The following PCDH19 variants were observed in gnomAD, a reference collection of about 807,000 sequenced individuals.
The protein encoded by PCDH19 is protocadherin-19.
In PCDH19, 6 loss-of-function variants were observed where a neutral mutation model predicts 46.2. That is an observed-to-expected ratio of 0.13 (90% CI 0.07 to 0.26). The LOEUF (loss-of-function observed/expected upper bound fraction) is 0.26, where lower values mean the gene tolerates loss of function less well. Ranked by LOEUF, PCDH19 falls within the 10% of genes least tolerant of loss-of-function variation. The pLI, the probability that PCDH19 is intolerant of heterozygous loss-of-function variation, is 1.00. For synonymous variants in PCDH19, 481 were observed against 415.7 expected (o/e 1.16, Z -1.91); for missense variants, 740 against 972.3 (o/e 0.76, Z 3.18).
At chrX:100,394,956 T>G (rs994162943) in intron 3 of PCDH19, among the ~76,000 whole-genome samples, 23 of 105,554 alleles carry the variant, frequency 2.2e-4, no homozygotes, top group African/African-American at 6.9e-4. Context: ...GGCGGGATCT[T>G]GGCTCACTGC....
intron 1 of PCDH19, 81 bp downstream of exon 1, chrX:100,406,369 CA>C (rs1928346222): frequency 4.9e-6 from 4 of 813,227 alleles, no homozygotes; most frequent in Non-Finnish European, 5.4e-6. Context: ...AAGTAGGAAA[CA>C]AAAGCACCAG....
intron 5 of PCDH19, among the ~76,000 whole-genome samples, chrX:100,310,766 T>G (rs184519921): frequency 1.5e-4 from 16 of 107,465 alleles, no homozygotes; most frequent in African/African-American, 5.1e-4. Context: ...TGGTGTAGAT[T>G]TAAAAGTCAG....
chrX:100,406,700 C>T lies in PCDH19; in HGVS notation c.1898G>A (p.Ser633Asn), dbSNP rs757431597. Residue 633 changes from serine to asparagine, a missense_variant, in exon 1 of 6, where the codon AGC becomes AAC. Coordinates refer to ENST00000373034, the MANE Select transcript of PCDH19 (RefSeq NM_001184880.2). Reference protein sequence around the residue: ...EVRTTRTFGESSKSSYELIVV... With the variant: ...EVRTTRTFGENSKSSYELIVV... ...GATAAGCTCATAGGAGGACTTGGAGCTCTCCCCGAAGGTGCGGGTGGTTCT... is the reference window on the plus strand; with the variant it reads ...GATAAGCTCATAGGAGGACTTGGAGTTCTCCCCGAAGGTGCGGGTGGTTCT... 3.3e-6 allele frequency: 4 copies of T among 1,211,692 alleles called. No individual in the cohort carries two copies. In the South Asian group the frequency reaches 7.0e-5, roughly 21 times the overall value.
intron 5 of PCDH19, among the ~76,000 whole-genome samples, chrX:100,329,233 A>G (rs749554407): frequency 1.8e-5 from 2 of 112,740 alleles, no homozygotes; most frequent in East Asian, 5.6e-4. Flanking sequence ...TGAAGCTGAG[A>G]GAGGCATAAT....
At chrX:100,368,136 G>A (rs1927120451) in intron 3 of PCDH19, among the ~76,000 whole-genome samples, 3 of 111,544 alleles carry the variant, frequency 2.7e-5, no homozygotes. Flanking sequence ...TATCCGAAGG[G>A]GTAGCTAATT....
At chrX:100,336,455 T>C (rs1415477273) in intron 5 of PCDH19, among the ~76,000 whole-genome samples, 1 of 112,106 alleles carries the variant, frequency 8.9e-6, no homozygotes, top group Middle Eastern at 4.2e-3. Context: ...AACATTTTCA[T>C]GGCAAATTTG....
At chrX:100,331,316 G>A (rs1167310879) in intron 5 of PCDH19, among the ~76,000 whole-genome samples, 2 of 111,703 alleles carry the variant, frequency 1.8e-5, no homozygotes, top group East Asian at 5.6e-4. Flanking sequence ...CTCTCTACCT[G>A]GCAGAATGAT....
At chrX:100,304,628 C>T (rs1187992988) in intron 5 of PCDH19, among the ~76,000 whole-genome samples, 2 of 111,598 alleles carry the variant, frequency 1.8e-5, no homozygotes, top group Admixed American at 9.5e-5. Context: ...CTAATCAAAG[C>T]GGCTCCAGAA....
chrX:100,362,362 A>G (rs1336667159), intron 3 of PCDH19, among the ~76,000 whole-genome samples: 2 of 111,433 alleles, frequency 1.8e-5, no homozygotes, highest in African/African-American at 6.5e-5. Context: ...AGGTGTGGGC[A>G]GTCATTTCTT....
At chrX:100,323,841 G>A (rs1925596052) in intron 5 of PCDH19, among the ~76,000 whole-genome samples, 1 of 111,686 alleles carries the variant, frequency 9.0e-6, no homozygotes, top group African/African-American at 3.3e-5. Flanking sequence ...TTGCCTAGAG[G>A]GGAAAAGGAT....
intron 5 of PCDH19, among the ~76,000 whole-genome samples, 190 bp from the exon 6 acceptor site, chrX:100,297,065 G>A (rs1225732706): frequency 9.0e-6 from 1 of 110,875 alleles, no homozygotes; most frequent in African/African-American, 3.3e-5. Flanking sequence ...CTCCCTCTAT[G>A]TATATCCTTT....
chrX:100,340,290 CT>C (rs1308669953), intron 5 of PCDH19, among the ~76,000 whole-genome samples: 1 of 112,291 alleles, frequency 8.9e-6, no homozygotes, highest in Admixed American at 9.5e-5. Flanking sequence ...TTCCCTGATA[CT>C]GTTTTCCTAG....
intron 5 of PCDH19, 29 bp downstream of exon 5, chrX:100,341,874 G>A (rs1378188413): frequency 2.4e-5 from 26 of 1,084,987 alleles, no homozygotes; most frequent in Non-Finnish European, 3.3e-5. Flanking sequence ...GGAGTCGATT[G>A]CTGCAACTTA....
intron 5 of PCDH19, among the ~76,000 whole-genome samples, chrX:100,297,827 C>T (rs180913752): frequency 2.5e-3 from 283 of 111,074 alleles, no homozygotes; most frequent in African/African-American, 8.8e-3. Flanking sequence ...CCAGGGTTAA[C>T]TTCTGCCTGT....
At chrX:100,303,026 C>T (rs1439964612) in intron 5 of PCDH19, among the ~76,000 whole-genome samples, 2 of 111,292 alleles carry the variant, frequency 1.8e-5, no homozygotes, top group African/African-American at 6.5e-5. Context: ...TTGTCAGAGG[C>T]GTAAAGTAAA....
intron 5 of PCDH19, among the ~76,000 whole-genome samples, chrX:100,332,225 C>A (rs770553434): frequency 3.6e-5 from 4 of 112,071 alleles, no homozygotes; most frequent in Non-Finnish European, 7.5e-5. Flanking sequence ...GTTGAAATTG[C>A]TTTTAAAACT....
chrX:100,395,139 G>A (rs866943122), intron 3 of PCDH19, among the ~76,000 whole-genome samples: 4 of 111,181 alleles, frequency 3.6e-5, no homozygotes, highest in African/African-American at 1.3e-4. Context: ...CGCCCGCCTC[G>A]GCCTCCCAAA....
At chrX:100,325,580 G>T (rs1005839998) in intron 5 of PCDH19, among the ~76,000 whole-genome samples, 3 of 111,251 alleles carry the variant, frequency 2.7e-5, no homozygotes, top group African/African-American at 9.8e-5. Context: ...ATGTTGGCCA[G>T]GCTGGTCTTG....
Position 100,291,948 on chromosome X carries a change from A to T in PCDH19, c.*4329T>A, listed in dbSNP as rs1240067330. 2 of 113,349 alleles carry T rather than the reference A, an allele frequency of 1.8e-5. No individual in the cohort carries two copies. The highest frequency in any genetic ancestry group is 3.7e-5 in the Non-Finnish European group (2 of 53,420). The allele number at this position is 113,349 out of a possible 1,213,427, so 9.3% of individuals were successfully genotyped here. A position where few individuals can be genotyped will look rare whatever the true frequency, so the allele number is the denominator to read the frequency against. On this transcript the variant is annotated 3_prime_UTR_variant, in exon 6 of 6. Transcript: ENST00000373034. ...ATATAATCAGCAACAGAGACTGCTT[A>T]ATGAGACATACTGTACTTGCATCCC... is the stretch of plus-strand genomic sequence containing the variant.
Sources: gnomAD v4.1 joint callset for allele counts (sites outside exome capture counted in the v4.1 genomes callset) on GRCh38, gnomAD v4.1.1 for gene constraint, MANE v1.5 for transcripts, NCBI Gene and HGNC (gene_info 2026-07-23, HGNC 2026-07-21) for gene names.